The following CCSER1 variants were observed in gnomAD, a reference collection of about 807,000 sequenced individuals.
CCSER1 encodes serine-rich coiled-coil domain-containing protein 1.
Under a neutral mutation model 82.0 loss-of-function variants are expected in CCSER1, and 41 were observed. That is an observed-to-expected ratio of 0.50 (90% confidence interval 0.39 to 0.65). CCSER1 has a LOEUF of 0.65. Ranked by LOEUF, CCSER1 falls within the 30% of genes least tolerant of loss-of-function variation. The probability of loss-of-function intolerance (pLI) is 0.00; values close to 1 mark genes in which losing one functional copy is unlikely to be tolerated. For missense variants in CCSER1, 1,119 were observed against 1,064.2 expected (o/e 1.05, Z -0.72); for synonymous variants, 414 against 383.9 (o/e 1.08, Z -0.92).
At chr4:91,260,655 G>T (rs1213426437) in intron 10 of CCSER1, among the ~76,000 whole-genome samples, 1 of 152,164 alleles carries the variant, frequency 6.6e-6, no homozygotes, top group African/African-American at 2.4e-5. Context: ...TACGGCAAAA[G>T]ACTCTAAAGA....
chr4:90,309,322 G>C lies in CCSER1; in HGVS notation c.1038G>C (p.Lys346Asn). Residue 346 changes from lysine (K) to asparagine (N), a missense_variant, in exon 2 of 11, where the codon AAG (lysine) becomes AAC (asparagine). By Grantham distance (94) the Lys-to-Asn change is moderately conservative. Transcript: ENST00000509176. Reference protein sequence around the residue: ...SLPETSAANQKEVLLQIAELP... With the variant: ...SLPETSAANQNEVLLQIAELP... ...CGGAAACCTCTGCTGCTAATCAGAA[G>C]GAAGTGTTATTACAAATTGCTGAAC... The C allele has an allele frequency of 1.9e-6, 3 of 1,613,862 alleles. No homozygotes were observed. The highest frequency in any genetic ancestry group is 2.5e-6 in the Non-Finnish European group (3 of 1,179,836).
chr4:90,173,714 G>GT (rs1191230697), intron 1 of CCSER1, among the ~76,000 whole-genome samples: 1 of 151,972 alleles, frequency 6.6e-6, no homozygotes, highest in Non-Finnish European at 1.5e-5. Context: ...CTAGGCACAA[G>GT]TTTAAGGGTT....
intron 9 of CCSER1, among the ~76,000 whole-genome samples, chr4:90,930,910 T>TTATTTA (rs1554045604): frequency 1.8e-5 from 2 of 109,648 alleles, no homozygotes; most frequent in African/African-American, 6.2e-5. Context: ...TATCCTTATT[T>TTATTTA]TATATATATA....
chr4:91,547,173 A>G (rs13108724), intron 10 of CCSER1, among the ~76,000 whole-genome samples: 97,306 of 151,094 alleles, frequency 0.64, 31,503 homozygotes, highest in East Asian at 0.72. Context: ...TTGTCTTGGA[A>G]AATGCTCCAT....
intron 3 of CCSER1, among the ~76,000 whole-genome samples, chr4:90,351,772 GT>G (rs1579332341): frequency 6.6e-6 from 1 of 152,038 alleles, no homozygotes; most frequent in Non-Finnish European, 1.5e-5. Context: ...AAAATTTTTT[GT>G]TTTTTGTCTA....
At chr4:90,748,244 A>G (rs1021699757) in intron 7 of CCSER1, among the ~76,000 whole-genome samples, 7 of 115,394 alleles carry the variant, frequency 6.1e-5, no homozygotes, top group Non-Finnish European at 1.2e-4. Context: ...TGTCCATGTG[A>G]TCTCATTGTT....
chr4:90,702,551 C>T (rs183874548), intron 6 of CCSER1, among the ~76,000 whole-genome samples: 3 of 152,122 alleles, frequency 2.0e-5, no homozygotes, highest in African/African-American at 7.2e-5. Flanking sequence ...GGAATGGTAC[C>T]AGCTCCTCCT....
chr4:90,802,224 A>T (rs1280931860), intron 7 of CCSER1, among the ~76,000 whole-genome samples: 1 of 148,708 alleles, frequency 6.7e-6, no homozygotes, highest in Non-Finnish European at 1.5e-5. Context: ...TCTAAAAAAA[A>T]AATAAATTAA....
chr4:91,064,673 A>G (rs1186133399), intron 9 of CCSER1, among the ~76,000 whole-genome samples: 2 of 152,228 alleles, frequency 1.3e-5, no homozygotes, highest in Non-Finnish European at 2.9e-5. Flanking sequence ...TGATACAGCT[A>G]ATTCAGTGCC....
intron 7 of CCSER1, chr4:90,780,870 C>T (rs1204164484): frequency 1.2e-6 from 1 of 811,822 alleles, no homozygotes; most frequent in Non-Finnish European, 1.5e-6. Context: ...AAAGAAATAC[C>T]TGAGACTAGG....
intron 5 of CCSER1, among the ~76,000 whole-genome samples, chr4:90,481,467 T>C (rs531152475): frequency 3.1e-4 from 47 of 152,340 alleles, no homozygotes; most frequent in African/African-American, 1.1e-3. Flanking sequence ...AAGGGAATGC[T>C]TCCAGTTTTT....
At chr4:91,032,300 C>A (rs1741050528) in intron 9 of CCSER1, among the ~76,000 whole-genome samples, 1 of 151,952 alleles carries the variant, frequency 6.6e-6, no homozygotes, top group Non-Finnish European at 1.5e-5. Flanking sequence ...AATGTCTAAC[C>A]CATCTACATT....
intron 10 of CCSER1, among the ~76,000 whole-genome samples, chr4:91,296,483 A>ATATATATATATATT (rs1175690764): frequency 9.7e-5 from 12 of 124,060 alleles, no homozygotes; most frequent in South Asian, 2.3e-4. Context: ...ATATATATAT[A>ATATATATATATATT]TATTTTAATT....
chr4:91,282,390 C>T (rs1000649232), intron 10 of CCSER1, among the ~76,000 whole-genome samples: 1 of 152,082 alleles, frequency 6.6e-6, no homozygotes, highest in Non-Finnish European at 1.5e-5. Flanking sequence ...TTGTTCGGGG[C>T]GAATGACTGA....
intron 9 of CCSER1, among the ~76,000 whole-genome samples, chr4:91,021,658 T>A (rs574914348): frequency 5.3e-5 from 8 of 152,292 alleles, no homozygotes; most frequent in South Asian, 4.1e-4. Flanking sequence ...TCAACACTTA[T>A]GTATTGACCA....
chr4:90,419,226 G>A (rs1029020681), intron 4 of CCSER1, among the ~76,000 whole-genome samples: 1 of 151,936 alleles, frequency 6.6e-6, no homozygotes, highest in African/African-American at 2.4e-5. Flanking sequence ...TGTTTCATCA[G>A]CAGATCCTAT....
At chr4:90,341,056 T>G (rs17016811) in intron 3 of CCSER1, among the ~76,000 whole-genome samples, 1 of 152,048 alleles carries the variant, frequency 6.6e-6, no homozygotes, top group Non-Finnish European at 1.5e-5. Flanking sequence ...TGTGATATAA[T>G]GTGGGAGAAA....
At position 90,574,822 on chromosome 4, in the gene CCSER1, T is replaced by A. The variant is rs548860961; in HGVS notation, c.1725-53203T>A. Among the ~76,000 whole-genome samples the A allele has an allele frequency of 3.0e-4, 46 of 152,212 alleles. 1 individual carries two copies. In the South Asian group the frequency reaches 8.9e-3, roughly 30 times the overall value. ...TTCCAGCAAACGACAGCTACATAAATAAAACTTTAATATAATAATTTCTCC... is the reference window on the plus strand; with the variant it reads ...TTCCAGCAAACGACAGCTACATAAAAAAAACTTTAATATAATAATTTCTCC... On this transcript the variant is annotated intron_variant, in intron 5 of 10. Transcript: ENST00000509176.
At chr4:90,860,312 G>A (rs1435121754) in intron 8 of CCSER1, among the ~76,000 whole-genome samples, 5 of 151,398 alleles carry the variant, frequency 3.3e-5, no homozygotes, top group African/African-American at 1.2e-4. Flanking sequence ...GATACCACTT[G>A]ACACCCACTA....
Sources: allele counts gnomAD v4.1 joint callset (sites outside exome capture counted in the v4.1 genomes callset), GRCh38; gene constraint gnomAD v4.1.1; transcripts MANE v1.5; gene names NCBI Gene and HGNC (gene_info 2026-07-23, HGNC 2026-07-21).